The following SLC16A12 variants were observed in gnomAD, a reference collection of about 807,000 sequenced individuals.
The protein encoded by SLC16A12 is solute carrier family 16 member 12, also known as monocarboxylate transporter 12.
SLC16A12 carries 17 observed loss-of-function variants against 42.4 expected under a neutral mutation model. The observed-to-expected ratio is 0.40, with a 90% CI of 0.27 to 0.60. The LOEUF (loss-of-function observed/expected upper bound fraction) is 0.60. Among genes scored for constraint, SLC16A12 ranks in the 20% least tolerant of loss-of-function variants. The pLI is 0.42. For synonymous variants in SLC16A12, 224 were observed against 229.4 expected, an observed-to-expected ratio of 0.98 and a Z score of 0.21; for missense variants, 544 against 623.0, an observed-to-expected ratio of 0.87 and a Z score of 1.35.
At chr10:89,435,307 C>T (rs1290476870) in intron 7 of SLC16A12, among the ~76,000 whole-genome samples, 2 of 152,180 alleles carry the variant, frequency 1.3e-5, no homozygotes, top group Non-Finnish European at 2.9e-5. Context: ...CTCGAATTTC[C>T]TTATTTTCTC....
At chr10:89,459,315 T>TA (rs1564575659) in intron 3 of SLC16A12, among the ~76,000 whole-genome samples, 56 of 133,442 alleles carry the variant, frequency 4.2e-4, no homozygotes, top group East Asian at 2.7e-3. Flanking sequence ...GGCAGTTTTT[T>TA]TAAAAAAAAA....
chr10:89,475,916 A>T (rs1418581336), intron 2 of SLC16A12, among the ~76,000 whole-genome samples: 1 of 152,212 alleles, frequency 6.6e-6, no homozygotes, highest in Non-Finnish European at 1.5e-5. Flanking sequence ...TTCCTAATCC[A>T]CAGAGCCACC....
At chr10:89,531,868 C>T (rs907847724) in intron 2 of SLC16A12, among the ~76,000 whole-genome samples, 2 of 152,214 alleles carry the variant, frequency 1.3e-5, no homozygotes, top group Non-Finnish European at 2.9e-5. Context: ...TCTTCCCTAA[C>T]CCTCAAATCT....
chr10:89,496,967 A>G lies in SLC16A12; in HGVS notation c.-46-34343T>C, dbSNP rs1428425749. On this transcript the variant is annotated intron_variant, in intron 2 of 7. Coordinates refer to ENST00000371790, the MANE Select transcript of SLC16A12 (RefSeq NM_213606.4). Reference sequence around the variant, plus strand: ...AGGCAATCCACACAAAAGGAAACCCAATGGCCAATGAACACATGAAAAGAT... The same window carrying G: ...AGGCAATCCACACAAAAGGAAACCCGATGGCCAATGAACACATGAAAAGAT... Among the ~76,000 whole-genome samples, 4 of 152,220 alleles carry G rather than the reference A, an allele frequency of 2.6e-5. No homozygotes were observed. The East Asian group carries it at 5.8e-4, about 22-fold the overall frequency.
intron 3 of SLC16A12, among the ~76,000 whole-genome samples, chr10:89,450,260 G>A (rs1265760607): frequency 6.6e-6 from 1 of 152,188 alleles, no homozygotes; most frequent in East Asian, 1.9e-4. Flanking sequence ...CTGTTACTGG[G>A]TATATACCCA....
chr10:89,443,441 C>T (rs559101315), intron 4 of SLC16A12, among the ~76,000 whole-genome samples: 58 of 152,290 alleles, frequency 3.8e-4, no homozygotes, highest in Non-Finnish European at 6.5e-4. Flanking sequence ...CTATAAATTG[C>T]TTCCAAAATC....
chr10:89,459,542 G>T (rs11203138), intron 3 of SLC16A12, among the ~76,000 whole-genome samples: 1 of 143,870 alleles, frequency 7.0e-6, no homozygotes, highest in South Asian at 2.2e-4. Context: ...GTGTGTATGT[G>T]TGTGTGTGTT....
At chr10:89,494,408 A>C (rs895983450) in intron 2 of SLC16A12, among the ~76,000 whole-genome samples, 9 of 152,246 alleles carry the variant, frequency 5.9e-5, no homozygotes, top group African/African-American at 2.2e-4. Flanking sequence ...AGAATGCATT[A>C]GCATTATTTG....
At chr10:89,550,388 A>G (rs1386154130) in intron 2 of SLC16A12, among the ~76,000 whole-genome samples, 1 of 152,068 alleles carries the variant, frequency 6.6e-6, no homozygotes, top group Non-Finnish European at 1.5e-5. Flanking sequence ...GTGTGGTGGC[A>G]GGTGCCTGTA....
At chr10:89,539,304 A>G (rs2133882324), upstream of SLC16A12, among the ~76,000 whole-genome samples, 2 of 152,292 alleles carry the variant, frequency 1.3e-5, 1 homozygote, top group African/African-American at 4.8e-5. Context: ...ACATGCATTA[A>G]TAGTTGTGTT....
At chr10:89,477,870 G>GCCCCCA (rs1325073413) in intron 2 of SLC16A12, among the ~76,000 whole-genome samples, 1 of 33,274 alleles carries the variant, frequency 3.0e-5, no homozygotes, top group Admixed American at 2.5e-4. Flanking sequence ...CCCTGCCCCC[G>GCCCCCA]CCCCCACCCC....
At chr10:89,533,623 A>G (rs1288044818) in intron 2 of SLC16A12, among the ~76,000 whole-genome samples, 4 of 152,170 alleles carry the variant, frequency 2.6e-5, no homozygotes, top group Non-Finnish European at 4.4e-5. Context: ...GAATCAGAAA[A>G]GACTCCAAGG....
At chr10:89,471,748 T>A (rs1162002060) in intron 2 of SLC16A12, among the ~76,000 whole-genome samples, 1 of 152,350 alleles carries the variant, frequency 6.6e-6, no homozygotes, top group East Asian at 1.9e-4. Flanking sequence ...TTTTCAGTAC[T>A]AAATTAGAGT....
At chr10:89,508,316 C>T (rs1034822053) in intron 2 of SLC16A12, among the ~76,000 whole-genome samples, 1 of 152,124 alleles carries the variant, frequency 6.6e-6, no homozygotes, top group Non-Finnish European at 1.5e-5. Flanking sequence ...AAATTGACCA[C>T]ATAGTTGGAA....
intron 2 of SLC16A12, among the ~76,000 whole-genome samples, chr10:89,518,401 C>T (rs1337577674): frequency 6.6e-6 from 1 of 152,168 alleles, no homozygotes. Flanking sequence ...ACCCCAGCAG[C>T]TGTTCTGTCT....
At chr10:89,465,790 G>A (rs1842384661) in intron 2 of SLC16A12, among the ~76,000 whole-genome samples, 3 of 152,156 alleles carry the variant, frequency 2.0e-5, no homozygotes, top group African/African-American at 4.8e-5. Context: ...CTTGGTTTAG[G>A]GAATGGGTTT....
intron 2 of SLC16A12, among the ~76,000 whole-genome samples, chr10:89,494,837 TAGA>T (rs1842899178): frequency 6.6e-6 from 1 of 152,172 alleles, no homozygotes; most frequent in Non-Finnish European, 1.5e-5. Flanking sequence ...GGAAAGTTTG[TAGA>T]AGTTCCCACC....
chr10:89,445,325 C>T (rs529661784), intron 3 of SLC16A12, among the ~76,000 whole-genome samples: 169 of 152,318 alleles, frequency 1.1e-3, no homozygotes, highest in African/African-American at 1.5e-3. Flanking sequence ...GACACCTCCC[C>T]GTAGGGGCCA....
chr10:89,468,520 ATGTC>A (rs1485178300), intron 2 of SLC16A12, among the ~76,000 whole-genome samples: 4 of 152,296 alleles, frequency 2.6e-5, no homozygotes, highest in African/African-American at 9.6e-5. Flanking sequence ...TGTCAACAAG[ATGTC>A]CAAGCAATAC....
Sources: gnomAD v4.1 joint callset for allele counts (sites outside exome capture counted in the v4.1 genomes callset) on GRCh38, gnomAD v4.1.1 for gene constraint, MANE v1.5 for transcripts, NCBI Gene and HGNC (gene_info 2026-07-23, HGNC 2026-07-21) for gene names.